The following IQCK variants were observed in gnomAD, a reference collection of about 807,000 sequenced individuals.
IQCK encodes the protein IQ motif containing K.
Under a neutral mutation model 28.1 loss-of-function variants are expected in IQCK, and 29 were observed. The observed-to-expected ratio is 1.03, with a 90% CI of 0.77 to 1.41. The LOEUF (loss-of-function observed/expected upper bound fraction) is 1.41. Among genes scored for constraint, IQCK ranks in the 40% most tolerant of loss-of-function variants. The pLI, the probability that IQCK is intolerant of heterozygous loss-of-function variation, is 0.00. For synonymous variants in IQCK, 113 were observed against 115.1 expected (o/e 0.98, Z 0.12); for missense variants, 359 against 314.7 (o/e 1.14, Z -1.07).
At chr16:19,826,603 C>G (rs567774303) in intron 7 of IQCK, among the ~76,000 whole-genome samples, 3 of 152,324 alleles carry the variant, frequency 2.0e-5, no homozygotes, top group African/African-American at 7.2e-5. Flanking sequence ...GTCTCGAACT[C>G]CTGACCTCAG....
At chr16:19,718,396 C>T in exon 1 of IQCK, 6 of 1,606,192 alleles carry the variant, frequency 3.7e-6, no homozygotes, top group Middle Eastern at 1.7e-4. Flanking sequence ...CGCCGGTGCC[C>T]ACCGTGTCTC....
rs544300270 is a variant in IQCK at position 19,779,840 on chromosome 16, C to T, written c.606-8998C>T. On this transcript the variant is annotated intron_variant, in intron 6 of 7. Coordinates refer to ENST00000564186, the Ensembl canonical transcript of IQCK. ...TCACGCCATTCTCCTGCCTCAGCCT[C>T]CCGAGTAGCTGGGACTACAGGCACC... 7.5e-3 allele frequency among the ~76,000 whole-genome samples: 1,127 copies of T among 150,908 alleles called. 3 individuals carry two copies. The highest frequency in any genetic ancestry group is 0.012 in the Non-Finnish European group (837 of 67,688).
chr16:19,731,167 C>G (rs1488622897), intron 2 of IQCK, among the ~76,000 whole-genome samples: 2 of 152,146 alleles, frequency 1.3e-5, no homozygotes, highest in Admixed American at 6.6e-5. Flanking sequence ...GCAGACAGAC[C>G]AAGTTTCTCT....
chr16:19,733,809 ACAAT>A lies in IQCK; in HGVS notation c.362_365del (p.Ile121ThrfsTer49), dbSNP rs1219714147. ...ACCCTGTCCTCAAGATAAATCGGAA[ACAAT>A]CAACCCAAAAACATGTGAGTAAGAG... On this transcript the variant is annotated frameshift_variant, in exon 3 of 8. Coordinates refer to ENST00000564186, the Ensembl canonical transcript of IQCK. LOFTEE classifies it high-confidence loss of function. 5 of 1,614,170 alleles carry A rather than the reference ACAAT, an allele frequency of 3.1e-6. No homozygotes were observed. Among genetic ancestry groups the A allele is most frequent in the Non-Finnish European group, 4.2e-6 (5 of 1,180,014 alleles).
At chr16:19,733,792 C>G (rs1567535342) in exon 3 of IQCK, 3 of 1,614,168 alleles carry the variant, frequency 1.9e-6, no homozygotes, top group Non-Finnish European at 2.5e-6. Flanking sequence ...ACACCCTGTC[C>G]TCAAGATAAA....
chr16:19,746,058 G>C (rs2054906589), intron 4 of IQCK, among the ~76,000 whole-genome samples: 2 of 151,634 alleles, frequency 1.3e-5, no homozygotes, highest in Admixed American at 6.6e-5. Flanking sequence ...AATCCCAGCT[G>C]CTCGGGAGGC....
intron 9 of IQCK, among the ~76,000 whole-genome samples, chr16:19,832,786 G>A (rs548826574): frequency 6.6e-5 from 10 of 152,238 alleles, no homozygotes; most frequent in Admixed American, 2.0e-4. Flanking sequence ...AAATCATGGC[G>A]GAAGGCAAAA....
intron 7 of IQCK, among the ~76,000 whole-genome samples, chr16:19,797,262 GA>G (rs1467786294): frequency 8.9e-6 from 1 of 112,006 alleles, no homozygotes; most frequent in Admixed American, 7.7e-5. Context: ...CAATTGGTAA[GA>G]AAAAAAACCT....
chr16:19,757,732 C>T (rs1007972779), intron 4 of IQCK, among the ~76,000 whole-genome samples: 1 of 152,130 alleles, frequency 6.6e-6, no homozygotes, highest in African/African-American at 2.4e-5. Context: ...GTATTTTCCT[C>T]CTATTTCCCT....
chr16:19,809,244 T>C (rs1274528689), intron 7 of IQCK, among the ~76,000 whole-genome samples: 2 of 152,234 alleles, frequency 1.3e-5, no homozygotes, highest in East Asian at 3.8e-4. Flanking sequence ...TCCCTTCTGC[T>C]GAGTAACAAA....
exon 10 of IQCK, chr16:19,857,616 T>C (rs1243413042): frequency 3.3e-6 from 1 of 305,624 alleles, no homozygotes; most frequent in Non-Finnish European, 6.2e-6. Context: ...CATTGCATCA[T>C]TGGATTATAA....
intron 1 of IQCK, among the ~76,000 whole-genome samples, chr16:19,728,087 A>T (rs1258781132): frequency 6.6e-6 from 1 of 150,652 alleles, no homozygotes; most frequent in East Asian, 1.9e-4. Context: ...AAGAAGTCAG[A>T]TTCAAGCAGA....
At chr16:19,769,899 C>T (rs1208783576) in intron 6 of IQCK, among the ~76,000 whole-genome samples, 1 of 151,846 alleles carries the variant, frequency 6.6e-6, no homozygotes, top group Non-Finnish European at 1.5e-5. Flanking sequence ...GATGGATGAC[C>T]CAGGATAAAT....
At chr16:19,826,173 A>G (rs1445674484) in intron 7 of IQCK, among the ~76,000 whole-genome samples, 1 of 151,926 alleles carries the variant, frequency 6.6e-6, no homozygotes, top group African/African-American at 2.4e-5. Flanking sequence ...CACCCAGCTA[A>G]TTTTGTTTAT....
intron 7 of IQCK, among the ~76,000 whole-genome samples, chr16:19,820,993 T>C (rs2141081812): frequency 6.6e-6 from 1 of 152,252 alleles, no homozygotes; most frequent in African/African-American, 2.4e-5. Flanking sequence ...ATTAGAGAAG[T>C]ACACATTTAA....
intron 1 of IQCK, among the ~76,000 whole-genome samples, chr16:19,724,578 C>G (rs4780823): frequency 0.31 from 46,668 of 151,866 alleles, 10,416 homozygotes; most frequent in African/African-American, 0.63. Flanking sequence ...ACCCAGGCTG[C>G]AGTGCAGTGG....
intron 1 of IQCK, among the ~76,000 whole-genome samples, chr16:19,722,945 T>C (rs1324089190): frequency 6.6e-6 from 1 of 151,958 alleles, no homozygotes; most frequent in African/African-American, 2.4e-5. Flanking sequence ...CTCCTGACCT[T>C]AGGTGATCCA....
intron 1 of IQCK, among the ~76,000 whole-genome samples, chr16:19,722,960 C>T (rs937589399): frequency 3.9e-5 from 6 of 152,168 alleles, no homozygotes; most frequent in African/African-American, 1.4e-4. Flanking sequence ...GATCCACCCG[C>T]CTCAGCCTCC....
chr16:19,761,204 G>C (rs980232275), intron 4 of IQCK: 11 of 346,736 alleles, frequency 3.2e-5, no homozygotes, highest in Non-Finnish European at 6.3e-5. Flanking sequence ...AGATGGAGTT[G>C]CTCTGGTTCA....
Sources: gnomAD v4.1 joint callset for allele counts (sites outside exome capture counted in the v4.1 genomes callset) on GRCh38, gnomAD v4.1.1 for gene constraint, MANE v1.5 for transcripts, NCBI Gene and HGNC (gene_info 2026-07-23, HGNC 2026-07-21) for gene names.